The following NF1 variants were observed in gnomAD, a reference collection of about 807,000 sequenced individuals.
NF1 encodes neurofibromin.
Under a neutral mutation model 325.7 loss-of-function variants are expected in NF1, and 122 were observed. That is an observed-to-expected ratio of 0.37 (90% CI 0.32 to 0.44). The LOEUF (loss-of-function observed/expected upper bound fraction) is 0.44. NF1 is among the 20% of genes least tolerant of loss of function. The pLI, the probability that NF1 is intolerant of heterozygous loss-of-function variation, is 1.00. For synonymous variants in NF1, 1,091 were observed against 1,186.0 expected (o/e 0.92, Z 1.65); for missense variants, 2,140 against 3,415.4 (o/e 0.63, Z 9.31).
At chr17:31,322,145 G>A (rs1360237463) in intron 36 of NF1, among the ~76,000 whole-genome samples, 2 of 142,920 alleles carry the variant, frequency 1.4e-5, no homozygotes, top group African/African-American at 5.9e-5. Flanking sequence ...CAAACATCCT[G>A]TCATCACCTC....
intron 36 of NF1, chr17:31,320,349 A>AG: frequency 6.5e-7 from 1 of 1,533,940 alleles, no homozygotes. Flanking sequence ...TATTTAAAAA[A>AG]AAAAAAAAAA....
At chr17:31,157,697 C>T (rs186707598) in intron 2 of NF1, among the ~76,000 whole-genome samples, 185 of 151,640 alleles carry the variant, frequency 1.2e-3, no homozygotes, top group African/African-American at 4.2e-3. Flanking sequence ...TGGTGGCTCA[C>T]GCCTGTAATC....
intron 36 of NF1, among the ~76,000 whole-genome samples, chr17:31,312,818 A>G (rs187936896): frequency 6.6e-5 from 10 of 152,206 alleles, no homozygotes; most frequent in Admixed American, 6.5e-4. Flanking sequence ...CACTATGAAC[A>G]TATTATTCCC....
chr17:31,200,649 T>G, intron 9 of NF1, 54 bp downstream of exon 9: 1 of 1,573,712 alleles, frequency 6.4e-7, no homozygotes. Context: ...AAATGAATTT[T>G]CTAGCATAAG....
intron 5 of NF1, among the ~76,000 whole-genome samples, chr17:31,177,489 C>G (rs1431530854): frequency 1.3e-5 from 2 of 151,848 alleles, no homozygotes; most frequent in Non-Finnish European, 2.9e-5. Context: ...TCCTTACCAG[C>G]AAAGGAACGA....
At chr17:31,134,998 CAT>C (rs1915657854) in intron 1 of NF1, among the ~76,000 whole-genome samples, 1 of 152,164 alleles carries the variant, frequency 6.6e-6, no homozygotes, top group Non-Finnish European at 1.5e-5. Context: ...CTACCATAAG[CAT>C]ACAGTCCATT....
chr17:31,363,277 A>C (rs1300519707), intron 57 of NF1, among the ~76,000 whole-genome samples: 1 of 152,042 alleles, frequency 6.6e-6, no homozygotes, highest in African/African-American at 2.4e-5. Context: ...TTACAGGCTC[A>C]TGTTCACAAA....
intron 30 of NF1, among the ~76,000 whole-genome samples, chr17:31,249,495 T>C (rs1192703468): frequency 1.3e-5 from 2 of 152,204 alleles, no homozygotes; most frequent in Non-Finnish European, 2.9e-5. Flanking sequence ...CCTCCTTGCT[T>C]TTTGCATTGT....
intron 37 of NF1, among the ~76,000 whole-genome samples, chr17:31,327,109 T>C (rs913178547): frequency 5.9e-5 from 9 of 151,724 alleles, no homozygotes; most frequent in Non-Finnish European, 1.3e-4. Flanking sequence ...GCTGGGATTA[T>C]AGGCGCCCAC....
intron 1 of NF1, among the ~76,000 whole-genome samples, chr17:31,142,816 G>A (rs1227841709): frequency 1.3e-5 from 2 of 151,526 alleles, no homozygotes; most frequent in Non-Finnish European, 2.9e-5. Flanking sequence ...GCAGTGAACC[G>A]AGATCGCGCC....
intron 1 of NF1, among the ~76,000 whole-genome samples, chr17:31,145,738 A>G (rs1333894735): frequency 6.6e-6 from 1 of 152,180 alleles, no homozygotes; most frequent in African/African-American, 2.4e-5. Flanking sequence ...AGGCCAAAAT[A>G]TATTTTAAAA....
chr17:31,222,477 A>G, intron 15 of NF1: 11 of 1,031,136 alleles, frequency 1.1e-5, no homozygotes, highest in Non-Finnish European at 1.3e-5. Flanking sequence ...GTAAATGTGT[A>G]AACCTCAAGT....
intron 35 of NF1, among the ~76,000 whole-genome samples, chr17:31,262,877 T>C (rs2067709069): frequency 6.6e-6 from 1 of 152,152 alleles, no homozygotes; most frequent in African/African-American, 2.4e-5. Context: ...AATTATATAC[T>C]ACAAAAATAT....
intron 1 of NF1, among the ~76,000 whole-genome samples, chr17:31,119,226 C>T (rs929022899): frequency 6.6e-6 from 1 of 152,218 alleles, no homozygotes; most frequent in Admixed American, 6.5e-5. Context: ...CAGGTGTGAG[C>T]CACCGCGCCT....
At chr17:31,157,278 C>T (rs867711735) in intron 2 of NF1, among the ~76,000 whole-genome samples, 9 of 152,088 alleles carry the variant, frequency 5.9e-5, no homozygotes, top group South Asian at 4.1e-4. Context: ...TGTGAGCCAC[C>T]GCGCCCAGCC....
At chr17:31,211,490 G>A (rs2066727471) in intron 12 of NF1, among the ~76,000 whole-genome samples, 1 of 152,192 alleles carries the variant, frequency 6.6e-6, no homozygotes, top group Non-Finnish European at 1.5e-5. Context: ...CTTAATGACA[G>A]GGACATGTCT....
chr17:31,153,018 T>TA (rs1372756612), intron 1 of NF1, among the ~76,000 whole-genome samples: 2,250 of 148,952 alleles, frequency 0.015, 58 homozygotes, highest in African/African-American at 0.052. Context: ...TTTCATGAAA[T>TA]AAAAAAAAAA....
chr17:31,148,471 G>T (rs1417745057), intron 1 of NF1, among the ~76,000 whole-genome samples: 3 of 151,454 alleles, frequency 2.0e-5, no homozygotes, highest in Non-Finnish European at 4.4e-5. Flanking sequence ...CTGGGAAATG[G>T]TCGTTCAAGA....
intron 1 of NF1, chr17:31,095,599 G>T (rs1270193380): frequency 5.3e-6 from 3 of 565,618 alleles, no homozygotes; most frequent in Admixed American, 6.3e-5. Flanking sequence ...AAGTCGGGGG[G>T]TGGGGCCTTG....
Sources: gnomAD v4.1 joint callset for allele counts (sites outside exome capture counted in the v4.1 genomes callset) on GRCh38, gnomAD v4.1.1 for gene constraint, MANE v1.5 for transcripts, NCBI Gene and HGNC (gene_info 2026-07-23, HGNC 2026-07-21) for gene names.